DNAH12: variants seen among roughly 807,000 people sequenced by gnomAD.
The protein encoded by DNAH12 is axonemal beta dynein heavy chain 12.
Under a neutral mutation model 371.5 loss-of-function variants are expected in DNAH12, and 285 were observed. The ratio of observed to expected loss-of-function variants is 0.77; its 90% CI spans 0.70 to 0.85. The LOEUF (loss-of-function observed/expected upper bound fraction) is 0.85. DNAH12 is among the 40% of genes least tolerant of loss of function. The pLI, the probability that DNAH12 is intolerant of heterozygous loss-of-function variation, is 0.00. For missense variants in DNAH12, 3,611 were observed against 3,689.4 expected (o/e 0.98, Z 0.55); for synonymous variants, 1,200 against 1,213.0 (o/e 0.99, Z 0.22).
rs189560426 is a variant in DNAH12 at position 57,308,943 on chromosome 3, C to T, written c.11189+208G>A. ...AACCCTACAATATCACCCCTTACCA[C>T]AAAATCTGCCTTCAGCTTAATCTCT... On this transcript the variant is annotated intron_variant, in intron 69 of 73. Coordinates refer to ENST00000495027, the MANE Select transcript of DNAH12 (RefSeq NM_001366028.2). 7.2e-3 allele frequency among the ~76,000 whole-genome samples: 1,096 copies of T among 152,082 alleles called. 14 individuals carry two copies. Among genetic ancestry groups the T allele is most frequent in the African/African-American group, 0.025 (1,019 of 41,384 alleles).
intron 18 of DNAH12, among the ~76,000 whole-genome samples, chr3:57,462,322 G>A (rs1261924618): frequency 6.6e-6 from 1 of 152,138 alleles, no homozygotes; most frequent in Non-Finnish European, 1.5e-5. Context: ...TGTGATCTCA[G>A]CTCACTGCAA....
At chr3:57,513,359 G>A (rs1452731981) in intron 4 of DNAH12, among the ~76,000 whole-genome samples, 1 of 152,084 alleles carries the variant, frequency 6.6e-6, no homozygotes, top group African/African-American at 2.4e-5. Flanking sequence ...ACAAAACAAA[G>A]CCCACTGGGG....
intron 69 of DNAH12, among the ~76,000 whole-genome samples, chr3:57,304,332 C>A (rs2061424763): frequency 6.6e-6 from 1 of 152,200 alleles, no homozygotes; most frequent in South Asian, 2.1e-4. Flanking sequence ...CTGCTCTTTG[C>A]TCGGTGAGAA....
At chr3:57,435,389 A>T (rs2065089723) in intron 30 of DNAH12, among the ~76,000 whole-genome samples, 1 of 151,708 alleles carries the variant, frequency 6.6e-6, no homozygotes, top group African/African-American at 2.4e-5. Flanking sequence ...AAAAAAAAAA[A>T]AAAGAATATA....
intron 62 of DNAH12, among the ~76,000 whole-genome samples, chr3:57,324,605 T>C (rs1198580996): frequency 6.6e-6 from 1 of 152,054 alleles, no homozygotes; most frequent in Non-Finnish European, 1.5e-5. Flanking sequence ...GATGGCCGAA[T>C]AGGAACAGCT....
Position 57,542,691 on chromosome 3 carries a change from T to A in DNAH12, c.170+10A>T. The A allele has an allele frequency of 6.4e-7, 1 of 1,560,852 alleles. No individual in the cohort carries two copies. The highest frequency in any genetic ancestry group is 1.2e-5 in the South Asian group (1 of 81,666). ...TCCAAGCAAGAATTATCTACTAATATGCTACTTACACTAACTGATTAATTT... is the reference window on the plus strand; with the variant it reads ...TCCAAGCAAGAATTATCTACTAATAAGCTACTTACACTAACTGATTAATTT... On this transcript the variant is annotated intron_variant, in intron 2 of 73. Coordinates refer to ENST00000495027, the MANE Select transcript of DNAH12 (RefSeq NM_001366028.2).
intron 60 of DNAH12, among the ~76,000 whole-genome samples, chr3:57,335,889 C>T (rs553282984): frequency 9.0e-4 from 137 of 152,268 alleles, no homozygotes; most frequent in African/African-American, 2.3e-3. Flanking sequence ...TTGTTCAGCA[C>T]CAGAGGAATT....
At chr3:57,410,950 C>CTA (rs1467681376) in intron 39 of DNAH12, among the ~76,000 whole-genome samples, 1 of 152,038 alleles carries the variant, frequency 6.6e-6, no homozygotes, top group Admixed American at 6.6e-5. Flanking sequence ...AGCTTTCCCA[C>CTA]TAACATCAGG....
At chr3:57,525,950 A>C (rs905168568) in intron 2 of DNAH12, among the ~76,000 whole-genome samples, 11 of 151,964 alleles carry the variant, frequency 7.2e-5, no homozygotes, top group Non-Finnish European at 1.3e-4. Context: ...TTTAGTAGAC[A>C]TGGGGTTTCA....
chr3:57,323,733 A>G, intron 62 of DNAH12, 114 bp from the exon 63 acceptor site: 2 of 1,085,504 alleles, frequency 1.8e-6, no homozygotes, highest in Middle Eastern at 2.8e-4. Context: ...CAAAAAAAGC[A>G]TATAGCATCA....
intron 15 of DNAH12, 115 bp from the exon 16 acceptor site, chr3:57,470,751 G>T: frequency 1.1e-6 from 1 of 947,510 alleles, no homozygotes; most frequent in Non-Finnish European, 1.5e-6. Flanking sequence ...TTTATTTTTA[G>T]GCTGGAGTGC....
chr3:57,513,800 C>T (rs533857932), intron 4 of DNAH12, among the ~76,000 whole-genome samples: 23 of 152,076 alleles, frequency 1.5e-4, no homozygotes, highest in Non-Finnish European at 3.1e-4. Context: ...TAAATATGAC[C>T]CCCACATTCT....
rs766251485 is a variant in DNAH12, at chr3:57,509,191, G to A, written c.491C>T (p.Pro164Leu). 4 of 1,613,654 alleles carry A rather than the reference G, an allele frequency of 2.5e-6. No individual in the cohort carries two copies. The highest frequency in any genetic ancestry group is 3.4e-6 in the Non-Finnish European group (4 of 1,179,880). ...TTCATCTTCAAGCGATTTAACTGGT[G>A]GTTTCACAAGAACGCTCTGCACTAA... The part of the protein sequence containing the change: ...RYLVQSVLVK[P>L]PVKSLEDEGG... The change falls in exon 6 of 74, where the codon CCA becomes CTA. Residue 164 changes from proline (P) to leucine (L), a missense_variant. Around this residue, in one of 3 missense-constraint regions of DNAH12, gnomAD observed 1,314 missense variants for 1,398.7 expected, o/e 0.94. Transcript: ENST00000495027.
upstream of DNAH12, among the ~76,000 whole-genome samples, chr3:57,545,676 T>A (rs1319439706): frequency 6.6e-6 from 1 of 151,794 alleles, no homozygotes; most frequent in Non-Finnish European, 1.5e-5. Flanking sequence ...CAGTGCCTCA[T>A]CCCCACATAA....
At chr3:57,461,767 T>A in intron 18 of DNAH12, 78 bp from the exon 19 acceptor site, 1 of 1,166,654 alleles carries the variant, frequency 8.6e-7, no homozygotes, top group Non-Finnish European at 1.2e-6. Flanking sequence ...CCTAGTGAAT[T>A]CAGTAAGAAT....
upstream of DNAH12, chr3:57,544,367 A>T (rs932137724): frequency 6.6e-6 from 1 of 152,216 alleles, no homozygotes; most frequent in African/African-American, 2.4e-5. Flanking sequence ...GTTGGAAACA[A>T]CGTCGTCGCC....
chr3:57,447,015 A>C (rs2065526064), intron 25 of DNAH12, among the ~76,000 whole-genome samples: 1 of 152,210 alleles, frequency 6.6e-6, no homozygotes, highest in African/African-American at 2.4e-5. Flanking sequence ...GTTGTGGAGG[A>C]CAATAATGAC....
At chr3:57,436,476 G>A (rs1022701246) in intron 30 of DNAH12, among the ~76,000 whole-genome samples, 1 of 152,148 alleles carries the variant, frequency 6.6e-6, no homozygotes, top group African/African-American at 2.4e-5. Context: ...GTTTCTGAAT[G>A]GGAGTGTTTG....
intron 18 of DNAH12, 53 bp from the exon 19 acceptor site, chr3:57,461,742 A>G (rs2066060187): frequency 7.2e-7 from 1 of 1,391,934 alleles, no homozygotes; most frequent in African/African-American, 1.4e-5. Context: ...GATCTTATTT[A>G]CTATATTGAC....
Sources: gnomAD v4.1 joint callset for allele counts (sites outside exome capture counted in the v4.1 genomes callset) on GRCh38, gnomAD v4.1.1 for gene constraint, gnomAD v4.1.1 regional missense constraint, MANE v1.5 for transcripts, NCBI Gene and HGNC (gene_info 2026-07-23, HGNC 2026-07-21) for gene names.